CFAP47: variants seen among roughly 807,000 people sequenced by gnomAD.
CFAP47 encodes cilia- and flagella-associated protein 47.
In CFAP47, 29 loss-of-function variants were observed where a neutral mutation model predicts 148.1. The observed-to-expected ratio is 0.20, with a 90% CI of 0.15 to 0.27. The LOEUF (loss-of-function observed/expected upper bound fraction) is 0.27. Among genes scored for constraint, CFAP47 ranks in the 10% least tolerant of loss-of-function variants. The probability of loss-of-function intolerance (pLI) is 1.00; values close to 1 mark genes in which losing one functional copy is unlikely to be tolerated. For synonymous variants in CFAP47, 664 were observed against 577.3 expected (o/e 1.15, Z -2.15); for missense variants, 1,872 against 1,697.5 (o/e 1.10, Z -1.81).
At chrX:36,085,274 A>G (rs1233630787) in intron 29 of CFAP47, 40 bp from the exon 30 acceptor site, 3 of 898,162 alleles carry the variant, frequency 3.3e-6, no homozygotes, top group Admixed American at 2.3e-5. Flanking sequence ...ATACTATAAC[A>G]TTTTGAGACT....
At position 36,008,522 on chromosome X, in the gene CFAP47, C is replaced by T. The variant is rs912518966; in HGVS notation, c.3418-6252C>T. ...TGGTGGCTCATGCCTGTAATCCTAG[C>T]ACTTTGGGAGGTCGAGGTGGGAAGA... On this transcript the variant is annotated intron_variant, in intron 21 of 63. Transcript: ENST00000378653. Among the ~76,000 whole-genome samples, 13 of 110,366 alleles carry T rather than the reference C, an allele frequency of 1.2e-4. 1 individual carries two copies. The highest frequency in any genetic ancestry group is 4.3e-4 in the African/African-American group (13 of 30,312).
chrX:36,047,097 G>A, intron 26 of CFAP47, 34 bp downstream of exon 26: 2 of 895,615 alleles, frequency 2.2e-6, no homozygotes, highest in South Asian at 4.6e-5. Context: ...TTTTGTATCT[G>A]ACATTAAAGA....
At chrX:36,304,845 G>A (rs1556008531) in intron 54 of CFAP47, among the ~76,000 whole-genome samples, 1 of 111,989 alleles carries the variant, frequency 8.9e-6, no homozygotes. Flanking sequence ...TACAAAATAA[G>A]ATCCTAAGGT....
Position 35,971,805 on chromosome X carries a change from C to T in CFAP47, c.2157+33C>T, listed in dbSNP as rs756131598. 3.2e-5 allele frequency: 38 copies of T among 1,188,077 alleles called. No individual in the cohort carries two copies. In the South Asian group the frequency reaches 4.4e-4, roughly 14 times the overall value. On this transcript the variant is annotated intron_variant, in intron 12 of 63. Transcript: ENST00000378653. ...CAATGTTTTACATTTGGTTATTCCACGAGAATTCTTAAAATAGCTTTTGCT... is the reference window on the plus strand; with the variant it reads ...CAATGTTTTACATTTGGTTATTCCATGAGAATTCTTAAAATAGCTTTTGCT...
intron 45 of CFAP47, among the ~76,000 whole-genome samples, chrX:36,210,473 C>T (rs1940086866): frequency 8.9e-6 from 1 of 112,182 alleles, no homozygotes; most frequent in Non-Finnish European, 1.9e-5. Flanking sequence ...GAGCACCTTT[C>T]CATGTGCTTA....
intron 40 of CFAP47, among the ~76,000 whole-genome samples, chrX:36,187,935 G>A (rs12009641): frequency 0.062 from 6,856 of 111,439 alleles, 567 homozygotes; most frequent in African/African-American, 0.21. Flanking sequence ...GTGGGGTTTT[G>A]TGTTCTCAGA....
At chrX:36,150,948 A>G (rs1033844782) in intron 37 of CFAP47, among the ~76,000 whole-genome samples, 7 of 112,147 alleles carry the variant, frequency 6.2e-5, no homozygotes, top group South Asian at 3.6e-4. Context: ...TCATTTGGAC[A>G]TTGTCACATA....
intron 21 of CFAP47, among the ~76,000 whole-genome samples, chrX:36,011,260 A>C (rs189429481): frequency 8.9e-6 from 1 of 111,862 alleles, no homozygotes; most frequent in Admixed American, 9.5e-5. Flanking sequence ...GTCCTGAGGC[A>C]CTTCTTCAGC....
chrX:36,338,007 C>G (rs782059754), intron 57 of CFAP47, among the ~76,000 whole-genome samples: 2 of 99,915 alleles, frequency 2.0e-5, no homozygotes, highest in Admixed American at 2.2e-4. Context: ...GTAGCTGGGA[C>G]TACAGGCGCC....
chrX:36,227,151 AT>A (rs1489921503), intron 45 of CFAP47, among the ~76,000 whole-genome samples: 2 of 111,460 alleles, frequency 1.8e-5, no homozygotes, highest in African/African-American at 6.5e-5. Context: ...AGATGATAAA[AT>A]GTGCCTGGAG....
intron 57 of CFAP47, among the ~76,000 whole-genome samples, chrX:36,334,404 T>C (rs1556014514): frequency 8.9e-6 from 1 of 111,761 alleles, no homozygotes; most frequent in Non-Finnish European, 1.9e-5. Flanking sequence ...TATCCTTTTT[T>C]ATCAGTAGCT....
chrX:36,243,481 G>T (rs1339789853), intron 48 of CFAP47, among the ~76,000 whole-genome samples: 1 of 107,517 alleles, frequency 9.3e-6, no homozygotes, highest in Non-Finnish European at 1.9e-5. Flanking sequence ...TAAAAAGGAT[G>T]GAAAAGGATT....
At chrX:36,282,712 A>C (rs989616350) in intron 50 of CFAP47, among the ~76,000 whole-genome samples, 1 of 112,250 alleles carries the variant, frequency 8.9e-6, no homozygotes, top group Admixed American at 9.4e-5. Context: ...GAATAGGGAA[A>C]TATGAAAGAT....
intron 39 of CFAP47, among the ~76,000 whole-genome samples, chrX:36,168,926 G>A (rs1939528870): frequency 8.9e-6 from 1 of 111,868 alleles, no homozygotes; most frequent in Admixed American, 9.5e-5. Context: ...TGCTAGTAAT[G>A]AATTGTTTTA....
chrX:36,103,525 A>AC (rs1938415225), intron 32 of CFAP47, among the ~76,000 whole-genome samples: 4 of 103,345 alleles, frequency 3.9e-5, no homozygotes, highest in East Asian at 3.1e-4. Context: ...AAAAAAAAAA[A>AC]AAAACATCCC....
Position 36,303,954 on chromosome X carries a change from A to C in CFAP47, c.8076A>C (p.Lys2692Asn). 1 of 1,018,640 alleles carries C rather than the reference A, an allele frequency of 9.8e-7. No individual in the cohort carries two copies. The highest frequency in any genetic ancestry group is 1.3e-6 in the Non-Finnish European group (1 of 749,324). The allele number at this position is 1,018,640 out of a possible 1,213,427, so 83.9% of individuals were successfully genotyped here. A position where few individuals can be genotyped will look rare whatever the true frequency, so the allele number is the denominator to read the frequency against. The change falls in exon 54 of 64, where the codon AAA (lysine) becomes AAC (asparagine). Residue 2692 changes from lysine (K) to asparagine (N), a missense_variant. Coordinates refer to ENST00000378653, the MANE Select transcript of CFAP47 (RefSeq NM_001304548.2). ...PENFVLDINR[K>N]SQLIISPHST... ...ATTTTGTCCTGGATATTAACAGAAA[A>C]TCACAAGTAAGTAAATTCAGAGAGC...
chrX:35,961,837 G>A (rs1207908463), intron 8 of CFAP47, among the ~76,000 whole-genome samples: 1 of 110,852 alleles, frequency 9.0e-6, no homozygotes, highest in African/African-American at 3.3e-5. Flanking sequence ...CTACTTTTGT[G>A]TTTATTATTC....
intron 21 of CFAP47, among the ~76,000 whole-genome samples, chrX:36,003,966 TC>T (rs1936948271): frequency 1.1e-5 from 1 of 93,572 alleles, no homozygotes; most frequent in Admixed American, 1.2e-4. Flanking sequence ...TCTTTCTTTT[TC>T]TTTTTTTTTT....
intron 26 of CFAP47, among the ~76,000 whole-genome samples, chrX:36,052,422 A>G (rs1039998733): frequency 8.9e-6 from 1 of 112,366 alleles, no homozygotes; most frequent in Non-Finnish European, 1.9e-5. Context: ...ATAAAGATAA[A>G]TTAATGCATT....
Sources: allele counts gnomAD v4.1 joint callset (sites outside exome capture counted in the v4.1 genomes callset), GRCh38; gene constraint gnomAD v4.1.1; transcripts MANE v1.5; gene names NCBI Gene and HGNC (gene_info 2026-07-23, HGNC 2026-07-21).